The following ZNF518A variants were observed in gnomAD, a reference collection of about 807,000 sequenced individuals.
ZNF518A encodes zinc finger protein 518.
A neutral mutation model predicts 102.7 loss-of-function variants in ZNF518A; 47 were observed. The ratio of observed to expected loss-of-function variants is 0.46; its 90% CI spans 0.36 to 0.58. The LOEUF (loss-of-function observed/expected upper bound fraction) is 0.58, where lower values mean the gene tolerates loss of function less well. ZNF518A is among the 20% of genes least tolerant of loss of function. The pLI is 0.00. For synonymous variants in ZNF518A, 652 were observed against 594.6 expected, an observed-to-expected ratio of 1.10 and a Z score of -1.40; for missense variants, 1,793 against 1,699.8, an observed-to-expected ratio of 1.05 and a Z score of -0.96.
chr10:96,144,906 A>G (rs1043624572), intron 3 of ZNF518A, among the ~76,000 whole-genome samples: 25 of 152,218 alleles, frequency 1.6e-4, no homozygotes, highest in African/African-American at 5.1e-4. Flanking sequence ...ATTGTTCAAC[A>G]TTATAGTTGC....
At chr10:96,175,237 A>G (rs782156872) in intron 1 of ZNF518A, among the ~76,000 whole-genome samples, 2 of 152,226 alleles carry the variant, frequency 1.3e-5, no homozygotes, top group African/African-American at 4.8e-5. Flanking sequence ...TAGATGCAAT[A>G]AAGACTAGTA....
chr10:96,142,343 TG>T (rs2081975395), intron 3 of ZNF518A, among the ~76,000 whole-genome samples: 2 of 151,452 alleles, frequency 1.3e-5, no homozygotes, highest in Non-Finnish European at 1.5e-5. Context: ...TGTGTGTGTG[TG>T]TGTGTGTGTG....
At chr10:96,135,481 A>T (rs587729684) in intron 3 of ZNF518A, among the ~76,000 whole-genome samples, 27 of 152,308 alleles carry the variant, frequency 1.8e-4, no homozygotes, top group Admixed American at 1.8e-3. Context: ...GTAGTTCCCC[A>T]CTTTCCTATA....
At chr10:96,196,939 T>TA in intron 1 of ZNF518A, 1 of 1,613,584 alleles carries the variant, frequency 6.2e-7, no homozygotes, top group Non-Finnish European at 8.5e-7. Flanking sequence ...GCCCAAGGCA[T>TA]ATTGTTTTGT....
chr10:96,147,800 A>C (rs1157423244), intron 3 of ZNF518A, among the ~76,000 whole-genome samples: 1 of 152,156 alleles, frequency 6.6e-6, no homozygotes, highest in Non-Finnish European at 1.5e-5. Context: ...TACACTGAGC[A>C]CTTGGTGGAC....
Position 96,158,087 on chromosome 10 carries a change from G to A in ZNF518A, c.1765G>A (p.Glu589Lys), listed in dbSNP as rs373781566. The change falls in exon 6 of 6, where the codon GAG (glutamate) becomes AAG (lysine). Residue 589 changes from glutamate (E) to lysine (K), a missense_variant. Around this residue, in one of 3 missense-constraint regions of ZNF518A, gnomAD observed 1,741 missense variants for 1,622.6 expected, o/e 1.07. Coordinates refer to ENST00000316045, the MANE Select transcript of ZNF518A (RefSeq NM_001330736.2). ...AAATCATCTCACTCAGAGTCACCCC[G>A]AGGTATTAGGTACCACCATTAAAAG... ...WGNHLTQSHP[E>K]VLGTTIKSPD... The A allele has an allele frequency of 1.6e-5, 26 of 1,613,454 alleles. No homozygotes were observed. Among genetic ancestry groups the A allele is most frequent in the Middle Eastern group, 3.3e-4 (2 of 6,084 alleles).
chr10:96,198,897 C>A (rs2083549118), intron 1 of ZNF518A, among the ~76,000 whole-genome samples: 1 of 152,294 alleles, frequency 6.6e-6, no homozygotes, highest in East Asian at 1.9e-4. Flanking sequence ...TGAGGTTTTG[C>A]CATCTTGGCC....
At chr10:96,197,475 C>A (rs956981713) in intron 1 of ZNF518A, among the ~76,000 whole-genome samples, 1 of 152,026 alleles carries the variant, frequency 6.6e-6, no homozygotes, top group Non-Finnish European at 1.5e-5. Flanking sequence ...CAGCTAAATG[C>A]TAGCTTTTTA....
In ZNF518A at chr10:96,156,233, T is replaced by G; in HGVS notation, c.-90T>G. 8.0e-7 allele frequency: 1 copy of G among 1,249,104 alleles called. No individual in the cohort carries two copies. Among genetic ancestry groups the G allele is most frequent in the South Asian group, 2.0e-5 (1 of 49,840 alleles). The allele number at this position is 1,249,104 out of a possible 1,614,324, so 77.4% of individuals were successfully genotyped here. A position where few individuals can be genotyped will look rare whatever the true frequency, so the allele number is the denominator to read the frequency against. ...TGGGAAAAATCCTGTATATTGAAGATGTCTCTACACAGTATCGTTTCCTGT... is the reference window on the plus strand; with the variant it reads ...TGGGAAAAATCCTGTATATTGAAGAGGTCTCTACACAGTATCGTTTCCTGT... On this transcript the variant is annotated 5_prime_UTR_variant, in exon 6 of 6. An upstream start codon of the reference 5' UTR is lost. Coordinates refer to ENST00000316045, the MANE Select transcript of ZNF518A (RefSeq NM_001330736.2).
chr10:96,155,689 A>C (rs1465568860), intron 4 of ZNF518A: 3 of 152,200 alleles, frequency 2.0e-5, no homozygotes, highest in African/African-American at 7.2e-5. Context: ...ATTATCCCTG[A>C]GGAACTAAGG....
Position 96,160,487 on chromosome 10 carries a change from A to C in ZNF518A, c.4165A>C (p.Lys1389Gln). The change falls in exon 6 of 6, where the codon AAA (lysine) becomes CAA (glutamine). Residue 1389 changes from lysine to glutamine, a missense_variant. Lys to Gln is a moderately conservative substitution (Grantham distance 53). Around this residue, in one of 3 missense-constraint regions of ZNF518A, gnomAD observed 1,741 missense variants for 1,622.6 expected, o/e 1.07. Coordinates refer to ENST00000316045, the MANE Select transcript of ZNF518A (RefSeq NM_001330736.2). ...AAAAAGAACTATAAATGCTTTACTG[A>C]AACCAGTTTGTTATAACCCTCCTAA... The part of the protein sequence containing the change: ...LSKRTINALL[K>Q]PVCYNPPKTT... 7 of 1,613,284 alleles carry C rather than the reference A, an allele frequency of 4.3e-6. No individual in the cohort carries two copies. The highest frequency in any genetic ancestry group is 5.9e-6 in the Non-Finnish European group (7 of 1,179,584).
chr10:96,173,470 A>G (rs1315737100), intron 1 of ZNF518A, among the ~76,000 whole-genome samples: 3 of 152,212 alleles, frequency 2.0e-5, no homozygotes, highest in African/African-American at 7.2e-5. Flanking sequence ...ATAACAAAAT[A>G]CCATAGACTG....
At chr10:96,131,709 A>G (rs1426634351) in intron 1 of ZNF518A, among the ~76,000 whole-genome samples, 6 of 152,236 alleles carry the variant, frequency 3.9e-5, no homozygotes, top group Admixed American at 1.3e-4. Context: ...AGTAACCACA[A>G]TGAACACCCA....
rs1554883861 is a variant in ZNF518A at position 96,157,836 on chromosome 10, C to G, written c.1514C>G (p.Thr505Arg). The G allele has an allele frequency of 1.9e-6, 3 of 1,613,900 alleles. No homozygotes were observed. The South Asian group carries it at 3.3e-5, about 18-fold the overall frequency. ...GGAGTAACAACTGAGTTAAATGACA[C>G]AGTTTATATGAAAGCAGCTACTCCA... ...LTGVTTELNDTVYMKAATPFS... is the reference protein window; with the variant it reads ...LTGVTTELNDRVYMKAATPFS... Residue 505 changes from threonine (T) to arginine (R), a missense_variant, in exon 6 of 6, where the codon ACA becomes AGA. Transcript: ENST00000316045.
At chr10:96,191,235 CTTTTTTT>C (rs34920263) in intron 1 of ZNF518A, among the ~76,000 whole-genome samples, 1 of 130,268 alleles carries the variant, frequency 7.7e-6, no homozygotes, top group African/African-American at 2.9e-5. Context: ...CATTAAACCT[CTTTTTTT>C]TTTTTTTTTT....
chr10:96,174,795 A>G (rs1158609814), intron 1 of ZNF518A, among the ~76,000 whole-genome samples: 1 of 151,956 alleles, frequency 6.6e-6, no homozygotes, highest in African/African-American at 2.4e-5. Flanking sequence ...AAAACATGGA[A>G]TAGGTGTTAT....
chr10:96,197,639 T>C (rs1316632458), intron 1 of ZNF518A, among the ~76,000 whole-genome samples: 2 of 152,158 alleles, frequency 1.3e-5, no homozygotes, highest in African/African-American at 4.8e-5. Context: ...ATAAGTACTA[T>C]AAGAAGAAAA....
chr10:96,131,674 C>T (rs1219960708), intron 1 of ZNF518A, among the ~76,000 whole-genome samples: 1 of 152,138 alleles, frequency 6.6e-6, no homozygotes, highest in African/African-American at 2.4e-5. Context: ...CGTTTTATAT[C>T]TGGTTTTATG....
intron 1 of ZNF518A, among the ~76,000 whole-genome samples, chr10:96,186,198 C>A (rs1292931310): frequency 6.6e-6 from 1 of 152,140 alleles, no homozygotes; most frequent in African/African-American, 2.4e-5. Context: ...AATGCCCCAC[C>A]CTGCTTTGGC....
Sources: allele counts gnomAD v4.1 joint callset (sites outside exome capture counted in the v4.1 genomes callset), GRCh38; gene constraint gnomAD v4.1.1; regional missense constraint gnomAD v4.1.1; transcripts MANE v1.5; gene names NCBI Gene and HGNC (gene_info 2026-07-23, HGNC 2026-07-21).